EEA1: variants seen among roughly 807,000 people sequenced by gnomAD.
EEA1 encodes the protein early endosome antigen 1.
EEA1 carries 111 observed loss-of-function variants against 209.2 expected under a neutral mutation model. The observed-to-expected ratio is 0.53, with a 90% CI of 0.45 to 0.62. The LOEUF (loss-of-function observed/expected upper bound fraction) is 0.62, where lower values mean the gene tolerates loss of function less well. EEA1 is among the 20% of genes least tolerant of loss of function. The pLI is 0.00. For missense variants in EEA1, 1,343 were observed against 1,530.8 expected, an observed-to-expected ratio of 0.88 and a Z score of 2.05; for synonymous variants, 536 against 540.6, an observed-to-expected ratio of 0.99 and a Z score of 0.12.
chr12:92,883,951 A>C, intron 2 of EEA1: 4 of 1,479,170 alleles, frequency 2.7e-6, no homozygotes, highest in Non-Finnish European at 3.7e-6. Flanking sequence ...CTTTGGGTTC[A>C]TCACACATGC....
At chr12:92,796,455 CTTTTTA>C (rs1349516795) in intron 21 of EEA1, among the ~76,000 whole-genome samples, 1 of 131,154 alleles carries the variant, frequency 7.6e-6, no homozygotes, top group African/African-American at 2.6e-5. Flanking sequence ...TGTAGTATTA[CTTTTTA>C]TTTATATATA....
chr12:92,923,350 A>C (rs1881085209), intron 1 of EEA1, among the ~76,000 whole-genome samples: 1 of 152,254 alleles, frequency 6.6e-6, no homozygotes, highest in African/African-American at 2.4e-5. Flanking sequence ...TCCGTCTCAA[A>C]ACAAAAAAAA....
chr12:92,832,469 A>C lies in EEA1; in HGVS notation c.1254+43T>G, dbSNP rs201179143. ...ATAACCATCAAGTACACGAAGAAGA[A>C]ACCAGAGGGAGAATTACAATAAATA... is the stretch of plus-strand genomic sequence containing the variant. On this transcript the variant is annotated intron_variant, in intron 11 of 28. Transcript: ENST00000322349. 3 of 1,536,494 alleles carry C rather than the reference A, an allele frequency of 2.0e-6. No individual in the cohort carries two copies. In the East Asian group the frequency reaches 6.8e-5, roughly 35 times the overall value.
At chr12:92,834,960 A>G (rs1015178630) in intron 10 of EEA1, among the ~76,000 whole-genome samples, 1 of 151,276 alleles carries the variant, frequency 6.6e-6, no homozygotes, top group African/African-American at 2.4e-5. Context: ...GCTAACTCCA[A>G]GCTCCGCCTC....
chr12:92,891,685 C>T lies in EEA1; in HGVS notation c.61G>A (p.Asp21Asn). 6.2e-7 allele frequency: 1 copy of T among 1,611,100 alleles called. No homozygotes were observed. Among genetic ancestry groups the T allele is most frequent in the South Asian group, 1.1e-5 (1 of 90,476 alleles). The change falls in exon 2 of 29, where the codon GAT becomes AAT. Residue 21 changes from aspartate (D) to asparagine (N), a missense_variant. Physicochemically the swap from Asp to Asn is conservative, Grantham distance 23. This residue lies in a region of EEA1 where 1,307 missense variants were observed against 1,465.5 expected (regional missense o/e 0.89). Coordinates refer to ENST00000322349, the MANE Select transcript of EEA1 (RefSeq NM_003566.4). ...GRVGSQGSDL[D>N]SSATPINTVD... ...GTGTTTATAGGAGTTGCTGATGAAT[C>T]TAAATCAGAACCTTGAGAGCCAACT...
At chr12:92,780,888 A>C (rs1873876267) in intron 23 of EEA1, among the ~76,000 whole-genome samples, 1 of 152,162 alleles carries the variant, frequency 6.6e-6, no homozygotes, top group Non-Finnish European at 1.5e-5. Flanking sequence ...AAGCTCACAC[A>C]ACTAAACTCC....
At chr12:92,829,212 C>T (rs577392093) in intron 11 of EEA1, among the ~76,000 whole-genome samples, 3 of 152,098 alleles carry the variant, frequency 2.0e-5, no homozygotes, top group Non-Finnish European at 4.4e-5. Context: ...GAGGCTGTGG[C>T]AGGAGAATCG....
intron 10 of EEA1, among the ~76,000 whole-genome samples, chr12:92,838,906 G>C (rs1449553296): frequency 2.0e-5 from 3 of 151,966 alleles, no homozygotes; most frequent in Non-Finnish European, 4.4e-5. Context: ...TACTGAACTA[G>C]CCACACTTTT....
intron 1 of EEA1, among the ~76,000 whole-genome samples, chr12:92,896,827 C>G (rs757975736): frequency 5.9e-5 from 9 of 151,956 alleles, no homozygotes; most frequent in Non-Finnish European, 8.8e-5. Flanking sequence ...CAGAAACCTC[C>G]ACCCTGGTCA....
intron 1 of EEA1, among the ~76,000 whole-genome samples, chr12:92,919,335 C>CA (rs1351720216): frequency 6.8e-6 from 1 of 146,794 alleles, no homozygotes; most frequent in Non-Finnish European, 1.5e-5. Flanking sequence ...AACATTGATG[C>CA]AAAAATCCTC....
At chr12:92,880,703 C>T (rs957950228) in intron 2 of EEA1, among the ~76,000 whole-genome samples, 6 of 152,144 alleles carry the variant, frequency 3.9e-5, no homozygotes, top group African/African-American at 1.4e-4. Context: ...TCTCGATCTC[C>T]TGACCTCGTG....
intron 23 of EEA1, 96 bp from the exon 24 acceptor site, chr12:92,780,507 C>T: frequency 1.1e-6 from 1 of 901,856 alleles, no homozygotes; most frequent in South Asian, 2.0e-5. Context: ...ATGACACTGG[C>T]TCTGCCCTTT....
At chr12:92,917,397 C>G (rs974317771) in intron 1 of EEA1, among the ~76,000 whole-genome samples, 7 of 148,660 alleles carry the variant, frequency 4.7e-5, no homozygotes, top group Non-Finnish European at 7.5e-5. Flanking sequence ...GCGGATCTCT[C>G]GGCAGAAACC....
At chr12:92,890,898 G>C (rs1879631363) in intron 2 of EEA1, among the ~76,000 whole-genome samples, 1 of 152,110 alleles carries the variant, frequency 6.6e-6, no homozygotes, top group African/African-American at 2.4e-5. Context: ...CATCAACCAA[G>C]AGGTGGAGAA....
At chr12:92,919,814 T>C (rs1376148566) in intron 1 of EEA1, among the ~76,000 whole-genome samples, 1 of 60,670 alleles carries the variant, frequency 1.6e-5, no homozygotes, top group Admixed American at 2.0e-4. Flanking sequence ...ATTGTCCCTG[T>C]TTGCAGATGA....
At chr12:92,848,488 C>T (rs1877472152) in intron 9 of EEA1, among the ~76,000 whole-genome samples, 1 of 151,706 alleles carries the variant, frequency 6.6e-6, no homozygotes, top group South Asian at 2.1e-4. Flanking sequence ...TAAAGAAAAA[C>T]AAAAAAACTC....
rs1401860141 is a variant in EEA1 at position 92,865,103 on chromosome 12, A to T, written c.118-116T>A. On this transcript the variant is annotated intron_variant, in intron 2 of 28. Coordinates refer to ENST00000322349, the MANE Select transcript of EEA1 (RefSeq NM_003566.4). ...ATCATACCAATGGTGCCATTAGGTA[A>T]ATTTTATCTTATGGTATTAATCCCA... 5 of 742,668 alleles carry T rather than the reference A, an allele frequency of 6.7e-6. No homozygotes were observed. In the African/African-American group the frequency reaches 7.3e-5, roughly 11 times the overall value. The allele number at this position is 742,668 out of a possible 1,614,324, so 46.0% of individuals were successfully genotyped here. A position where few individuals can be genotyped will look rare whatever the true frequency, so the allele number is the denominator to read the frequency against.
chr12:92,835,380 C>T (rs1386928776), intron 10 of EEA1: 1 of 346,616 alleles, frequency 2.9e-6, no homozygotes, highest in African/African-American at 2.3e-5. Flanking sequence ...TCTATATACA[C>T]CCTTGAGATA....
rs1296604846 is a variant in EEA1 at position 92,773,355 on chromosome 12, T to C, written c.*2656A>G. ...CAAATTTGGCAGTTACTATTTAACA[T>C]TACTGTCAGGAAACTATTAAAGTAG... On this transcript the variant is annotated 3_prime_UTR_variant, in exon 29 of 29. Transcript: ENST00000322349. 4 of 152,318 alleles carry C rather than the reference T, an allele frequency of 2.6e-5. No individual in the cohort carries two copies. Among genetic ancestry groups the C allele is most frequent in the Admixed American group, 1.3e-4 (2 of 15,242 alleles). The allele number at this position is 152,318 out of a possible 1,614,324, so 9.4% of individuals were successfully genotyped here.
Sources: gnomAD v4.1 joint callset for allele counts (sites outside exome capture counted in the v4.1 genomes callset) on GRCh38, gnomAD v4.1.1 for gene constraint, gnomAD v4.1.1 regional missense constraint, MANE v1.5 for transcripts, NCBI Gene and HGNC (gene_info 2026-07-23, HGNC 2026-07-21) for gene names.